Variants in XPC observed in about 807,000 individuals in gnomAD.
The protein encoded by XPC is XPC complex subunit, DNA damage recognition and repair factor, also known as DNA repair protein complementing XP-C cells.
XPC carries 76 observed loss-of-function variants against 95.8 expected under a neutral mutation model. The ratio of observed to expected loss-of-function variants is 0.79; its 90% confidence interval spans 0.66 to 0.96. The LOEUF is 0.96. XPC is among the 40% of genes least tolerant of loss of function. The pLI is 0.00. For missense variants in XPC, 1,146 were observed against 1,179.8 expected (o/e 0.97, Z 0.42); for synonymous variants, 442 against 442.1 (o/e 1.00, Z 0.00).
At position 14,147,357 on chromosome 3, in the gene XPC, C is replaced by G. The variant is rs55779831; in HGVS notation, c.2537G>C (p.Gly846Ala). Reference sequence around the variant, plus strand: ...ACCTTTGGCCAGCAACTTCCAGTTCCCTAGAGCCCGCTTCTCCTTTTTCTG... The same window carrying G: ...ACCTTTGGCCAGCAACTTCCAGTTCGCTAGAGCCCGCTTCTCCTTTTTCTG... ...EKEKKEKRAL[G>A]NWKLLAKGLL... The change falls in exon 15 of 16, where the codon GGG becomes GCG. Residue 846 changes from glycine (G) to alanine (A), a missense_variant. Gly to Ala is a moderately conservative substitution (Grantham distance 60). Coordinates refer to ENST00000285021, the MANE Select transcript of XPC (RefSeq NM_004628.5). 3.2e-5 allele frequency: 52 copies of G among 1,610,878 alleles called. No homozygotes were observed. In the East Asian group the frequency reaches 1.1e-3, roughly 34 times the overall value.
Position 14,145,957 on chromosome 3 carries a change from G to A in XPC, c.2807C>T (p.Pro936Leu), listed in dbSNP as rs2125004475. ...EKKAAASHLF[P>L]FEQL is the part of the protein sequence containing the mutation. ...GCGCTCAGCTCACAGCTGCTCAAAT[G>A]GGAACAGGTGGGAAGCTGCTGCTTT... Residue 936 changes from proline (P) to leucine (L), a missense_variant, in exon 16 of 16, where the codon CCA (proline) becomes CTA (leucine). Physicochemically the swap from Pro to Leu is moderately conservative, Grantham distance 98. Coordinates refer to ENST00000285021, the MANE Select transcript of XPC (RefSeq NM_004628.5). 6.2e-7 allele frequency: 1 copy of A among 1,605,480 alleles called. No homozygotes were observed. Among genetic ancestry groups the A allele is most frequent in the South Asian group, 1.1e-5 (1 of 90,800 alleles).
rs1429742155 is a variant in XPC at position 14,158,649 on chromosome 3, C to CCTTCTCCTGCTTGT, written c.1220_1233dup (p.Ala412ThrfsTer119). The CCTTCTCCTGCTTGT allele has an allele frequency of 6.2e-7, 1 of 1,613,774 alleles. No homozygotes were observed. The highest frequency in any genetic ancestry group is 8.5e-7 in the Non-Finnish European group (1 of 1,179,876). ...CGGCCATGCGGACGTCGCTGGGTTGCCTTCTCCTGCTTGTCTCCTGGGCCC... is the reference window on the plus strand; with the variant it reads ...CGGCCATGCGGACGTCGCTGGGTTGCCTTCTCCTGCTTGTCTTCTCCTGCTTGTCTCCTGGGCCC... On this transcript the variant is annotated frameshift_variant, in exon 9 of 16. Transcript: ENST00000285021. LOFTEE classifies it high-confidence loss of function. This position sits in a 1 kb window ranked among gnomAD's most constrained non-coding sequence, Gnocchi z 5.2.
intron 13 of XPC, 199 bp from the exon 14 acceptor site, chr3:14,148,200 C>G: frequency 1.7e-6 from 1 of 593,318 alleles, no homozygotes; most frequent in Non-Finnish European, 2.9e-6. Context: ...TCCCCAGATT[C>G]TGCCGAAGAA....
At chr3:14,175,632 G>A (rs1014958540) in intron 1 of XPC, among the ~76,000 whole-genome samples, 3 of 152,176 alleles carry the variant, frequency 2.0e-5, no homozygotes, top group African/African-American at 4.8e-5. Flanking sequence ...ACACAGAGAA[G>A]AAATGAAAAG....
intron 7 of XPC, chr3:14,164,395 G>C (rs1211818941): frequency 5.6e-5 from 10 of 178,272 alleles, no homozygotes; most frequent in Non-Finnish European, 1.2e-5. Context: ...CTGCCTGCCA[G>C]TGTCAACACC....
At chr3:14,150,887 C>G (rs1695660730) in intron 11 of XPC, among the ~76,000 whole-genome samples, 1 of 152,212 alleles carries the variant, frequency 6.6e-6, no homozygotes, top group Non-Finnish European at 1.5e-5. Flanking sequence ...AATGCAGAGG[C>G]AGTGAGCACC....
chr3:14,145,559 G>A lies in XPC; in HGVS notation c.*382C>T, dbSNP rs553790350. On this transcript the variant is annotated 3_prime_UTR_variant, in exon 16 of 16. Transcript: ENST00000285021. The stretch of plus-strand genomic sequence containing the variant: ...TGGAAGAAACGATCAGCGCATTCAC[G>A]GATGCACCACCATCCAGAAATCTCC... The A allele has an allele frequency of 1.6e-5, 11 of 699,968 alleles. No individual in the cohort carries two copies. In the East Asian group the frequency reaches 1.9e-4, roughly 12 times the overall value. 43.4% of individuals were successfully genotyped at this position (699,968 alleles called of 1,614,324 possible).
In XPC at chr3:14,159,698, C is replaced by G. The variant is rs771842838; in HGVS notation, c.990+43G>C. On this transcript the variant is annotated intron_variant, in intron 8 of 15. Transcript: ENST00000285021. The stretch of plus-strand genomic sequence containing the variant: ...TCAATTTTTTTAAGTGTGACAATTT[C>G]CTGTCAATTGCTCCTCTTCTCTGGC... 5 of 1,506,910 alleles carry G rather than the reference C, an allele frequency of 3.3e-6. No homozygotes were observed. The South Asian group carries it at 6.1e-5, about 18-fold the overall frequency. 93.3% of individuals were successfully genotyped at this position (1,506,910 alleles called of 1,614,324 possible).
chr3:14,169,524 A>G (rs189359719), intron 3 of XPC, among the ~76,000 whole-genome samples: 3 of 152,370 alleles, frequency 2.0e-5, no homozygotes, highest in Admixed American at 2.0e-4. Flanking sequence ...TTAAGAGAGT[A>G]AAGTGACATA....
chr3:14,153,920 G>A (rs564081999), intron 10 of XPC, among the ~76,000 whole-genome samples: 2 of 152,308 alleles, frequency 1.3e-5, no homozygotes, highest in South Asian at 4.1e-4. Context: ...CACTGGGGGC[G>A]GAACATCTTT....
chr3:14,173,310 A>T (rs1418696706), intron 1 of XPC, among the ~76,000 whole-genome samples: 1 of 152,328 alleles, frequency 6.6e-6, no homozygotes, highest in East Asian at 1.9e-4. Flanking sequence ...AGAAAATACC[A>T]TAGGACTCAA....
chr3:14,151,225 T>TTAGAGAGAC (rs1406783422), intron 11 of XPC: 1 of 152,154 alleles, frequency 6.6e-6, no homozygotes, highest in African/African-American at 2.4e-5. Flanking sequence ...ACACAGAAGA[T>TTAGAGAGAC]TAGAGAGACT....
At chr3:14,171,994 C>G (rs3731072) in intron 2 of XPC, among the ~76,000 whole-genome samples, 143 of 152,254 alleles carry the variant, frequency 9.4e-4, no homozygotes, top group Non-Finnish European at 1.6e-3. Context: ...AAAGCTGATA[C>G]TGGCAGTGAG....
chr3:14,178,467 C>G lies in XPC; in HGVS notation c.102G>C (p.Glu34Asp). 6.8e-7 allele frequency: 1 copy of G among 1,479,406 alleles called. No homozygotes were observed. The highest frequency in any genetic ancestry group is 9.2e-7 in the Non-Finnish European group (1 of 1,092,248). The allele number at this position is 1,479,406 out of a possible 1,614,324, so 91.6% of individuals were successfully genotyped here. A position where few individuals can be genotyped will look rare whatever the true frequency, so the allele number is the denominator to read the frequency against. Residue 34 changes from glutamate (E) to aspartate (D), a missense_variant and splice_region_variant, in exon 1 of 16, where the codon GAG (glutamate) becomes GAC (aspartate). Transcript: ENST00000285021. ...KSKARREEEE[E>D]DAFEDEKPPK... Reference sequence around the variant, plus strand: ...AAGCCCGCTGGGCCTCGCTCTCACCCTCCTCCTCCTCCTCACGCCGGGCCT... The same window carrying G: ...AAGCCCGCTGGGCCTCGCTCTCACCGTCCTCCTCCTCCTCACGCCGGGCCT...
At chr3:14,170,649 G>A (rs1429635032) in intron 2 of XPC, 99 bp from the exon 3 acceptor site, 2 of 859,274 alleles carry the variant, frequency 2.3e-6, no homozygotes, top group African/African-American at 1.7e-5. Context: ...TATTTATTGA[G>A]AATCTGTTGC....
intron 10 of XPC, chr3:14,152,720 GCTGCAGA>G: frequency 6.5e-6 from 2 of 306,314 alleles, no homozygotes; most frequent in Non-Finnish European, 6.1e-6. Context: ...GAGAGCTCCA[GCTGCAGA>G]CTATCAGGAT....
At chr3:14,146,426 T>C (rs1014642187) in intron 15 of XPC, among the ~76,000 whole-genome samples, 16 of 152,140 alleles carry the variant, frequency 1.1e-4, no homozygotes, top group African/African-American at 3.9e-4. Flanking sequence ...AGCTGCCCTC[T>C]AGGAGCACAC....
intron 15 of XPC, 87 bp from the exon 16 acceptor site, chr3:14,146,246 G>C: frequency 7.9e-7 from 1 of 1,259,056 alleles, no homozygotes; most frequent in South Asian, 1.3e-5. Flanking sequence ...CAAGTTCCCA[G>C]CCTGCCCTAA....
chr3:14,148,984 G>A (rs1304438142), intron 11 of XPC, 36 bp from the exon 12 acceptor site: 1 of 1,611,096 alleles, frequency 6.2e-7, no homozygotes, highest in South Asian at 1.1e-5. Context: ...TTACAACAAA[G>A]GCATCCAGTT....
Sources: allele counts gnomAD v4.1 joint callset (sites outside exome capture counted in the v4.1 genomes callset), GRCh38; gene constraint gnomAD v4.1.1; non-coding constraint Gnocchi (gnomAD v3.1); transcripts MANE v1.5; gene names NCBI Gene and HGNC (gene_info 2026-07-23, HGNC 2026-07-21).